ATRNL1: variants seen among roughly 807,000 people sequenced by gnomAD.
The protein encoded by ATRNL1 is attractin like 1.
In ATRNL1, 95 loss-of-function variants were observed where a neutral mutation model predicts 182.7. The observed-to-expected ratio is 0.52, with a 90% CI of 0.44 to 0.62. ATRNL1 has a LOEUF of 0.62. Ranked by LOEUF, ATRNL1 falls within the 20% of genes least tolerant of loss-of-function variation. The probability of loss-of-function intolerance (pLI) is 0.00; values close to 1 mark genes in which losing one functional copy is unlikely to be tolerated. For missense variants in ATRNL1, 1,471 were observed against 1,679.5 expected, an observed-to-expected ratio of 0.88 and a Z score of 2.17; for synonymous variants, 576 against 568.3, an observed-to-expected ratio of 1.01 and a Z score of -0.19.
intron 19 of ATRNL1, among the ~76,000 whole-genome samples, chr10:115,377,234 C>G (rs1857725424): frequency 6.6e-6 from 1 of 152,070 alleles, no homozygotes; most frequent in Non-Finnish European, 1.5e-5. Flanking sequence ...ATAACTGAAT[C>G]ACGACGGCAG....
At chr10:115,158,521 C>T (rs1846629836) in intron 5 of ATRNL1, among the ~76,000 whole-genome samples, 1 of 151,944 alleles carries the variant, frequency 6.6e-6, no homozygotes. Context: ...TAATAGTTTT[C>T]TATAGCTGAT....
chr10:115,612,276 C>T (rs1387872924), intron 26 of ATRNL1, among the ~76,000 whole-genome samples: 1 of 151,826 alleles, frequency 6.6e-6, no homozygotes, highest in African/African-American at 2.4e-5. Context: ...AAAAGACAAC[C>T]GAGGAAGTTT....
chr10:115,588,021 T>C (rs1368931119), intron 26 of ATRNL1, among the ~76,000 whole-genome samples: 1 of 152,006 alleles, frequency 6.6e-6, no homozygotes, highest in Admixed American at 6.6e-5. Flanking sequence ...ATGCAAATGG[T>C]TCAAATTCAC....
At chr10:115,096,095 G>C (rs2085004436) in intron 1 of ATRNL1, among the ~76,000 whole-genome samples, 1 of 152,126 alleles carries the variant, frequency 6.6e-6, no homozygotes. Flanking sequence ...AAATACATTA[G>C]TGAGTAGAAG....
At chr10:115,433,599 C>A (rs988937004) in intron 21 of ATRNL1, among the ~76,000 whole-genome samples, 10 of 152,026 alleles carry the variant, frequency 6.6e-5, no homozygotes, top group Non-Finnish European at 8.8e-5. Context: ...TTTGATTCCT[C>A]AGTATTTTTA....
chr10:115,769,583 G>T, intron 27 of ATRNL1, among the ~76,000 whole-genome samples: 1 of 152,234 alleles, frequency 6.6e-6, no homozygotes, highest in South Asian at 2.1e-4. Flanking sequence ...GTAGTAACGG[G>T]CTATGCTGTT....
chr10:115,306,158 C>T (rs1414162014), intron 17 of ATRNL1, among the ~76,000 whole-genome samples: 1 of 151,970 alleles, frequency 6.6e-6, no homozygotes, highest in South Asian at 2.1e-4. Context: ...GGTGGTATAA[C>T]ACACATAACA....
chr10:115,768,305 A>G (rs782157649), intron 27 of ATRNL1, among the ~76,000 whole-genome samples: 12 of 152,096 alleles, frequency 7.9e-5, no homozygotes, highest in Non-Finnish European at 1.6e-4. Flanking sequence ...TTAATACTAT[A>G]TAGTCTCTCT....
Position 115,138,748 on chromosome 10 carries a change from C to G in ATRNL1, c.829+9213C>G, listed in dbSNP as rs1237452907. On this transcript the variant is annotated intron_variant, in intron 5 of 28. Transcript: ENST00000355044. ...GATGCTGTGAAGACCACTGACGTGC[C>G]CTGGAGACATTTTCCCCATTGTCTT... Among the ~76,000 whole-genome samples, 4 of 152,142 alleles carry G rather than the reference C, an allele frequency of 2.6e-5. No homozygotes were observed. In the East Asian group the frequency reaches 7.7e-4, roughly 29 times the overall value.
chr10:115,381,971 A>T (rs1362208073), intron 19 of ATRNL1, among the ~76,000 whole-genome samples: 1 of 152,048 alleles, frequency 6.6e-6, no homozygotes, highest in Non-Finnish European at 1.5e-5. Context: ...TCCCCCATTT[A>T]CTTATTTTGG....
At chr10:115,901,514 G>A (rs1340043698) in intron 28 of ATRNL1, among the ~76,000 whole-genome samples, 3 of 152,110 alleles carry the variant, frequency 2.0e-5, no homozygotes, top group Admixed American at 6.5e-5. Flanking sequence ...TTTTTAGGCA[G>A]TGGGTTTTTT....
At chr10:115,868,822 C>CTTTTTTTTTCTTTTTTTT (rs1951501439) in intron 28 of ATRNL1, among the ~76,000 whole-genome samples, 1 of 58,084 alleles carries the variant, frequency 1.7e-5, no homozygotes, top group African/African-American at 6.0e-5. Context: ...AGTCTTTATT[C>CTTTTTTTTTCTTTTTTTT]TTTTTTTTTT....
At chr10:115,276,175 T>C (rs1231422003) in intron 13 of ATRNL1, among the ~76,000 whole-genome samples, 1 of 152,098 alleles carries the variant, frequency 6.6e-6, no homozygotes, top group Non-Finnish European at 1.5e-5. Context: ...GGGGAGCTCT[T>C]GTGTCTTCAA....
At chr10:115,255,084 G>A (rs1293634988) in intron 10 of ATRNL1, among the ~76,000 whole-genome samples, 1 of 152,158 alleles carries the variant, frequency 6.6e-6, no homozygotes, top group African/African-American at 2.4e-5. Context: ...CTCCAGCTTT[G>A]TTCTTTTGGC....
intron 27 of ATRNL1, among the ~76,000 whole-genome samples, chr10:115,803,597 G>GT (rs1369989703): frequency 7.2e-6 from 1 of 139,630 alleles, no homozygotes; most frequent in Non-Finnish European, 1.6e-5. Context: ...GGGTTTTTTT[G>GT]TGTTTTTTTT....
chr10:115,810,918 A>G (rs187036802), intron 27 of ATRNL1, among the ~76,000 whole-genome samples: 30 of 151,714 alleles, frequency 2.0e-4, no homozygotes, highest in Admixed American at 3.9e-4. Context: ...TATCATATTT[A>G]TTGATATTGT....
At chr10:115,428,012 A>T (rs1554963292) in intron 21 of ATRNL1, among the ~76,000 whole-genome samples, 1 of 151,856 alleles carries the variant, frequency 6.6e-6, no homozygotes, top group East Asian at 1.9e-4. Context: ...TTTGGGGAGA[A>T]TTGGCATGTT....
At chr10:115,466,640 T>A (rs1848065306) in intron 22 of ATRNL1, among the ~76,000 whole-genome samples, 1 of 151,270 alleles carries the variant, frequency 6.6e-6, no homozygotes, top group Non-Finnish European at 1.5e-5. Context: ...GTGTAAACAA[T>A]GTGATCTGCT....
At chr10:115,357,765 A>G (rs1311164035) in intron 19 of ATRNL1, among the ~76,000 whole-genome samples, 4 of 151,654 alleles carry the variant, frequency 2.6e-5, no homozygotes, top group African/African-American at 9.7e-5. Flanking sequence ...TATTTGCTTA[A>G]CAGTACAGCC....
Sources: gnomAD v4.1 joint callset for allele counts (sites outside exome capture counted in the v4.1 genomes callset) on GRCh38, gnomAD v4.1.1 for gene constraint, MANE v1.5 for transcripts, NCBI Gene and HGNC (gene_info 2026-07-23, HGNC 2026-07-21) for gene names.